Variants in GPC5 observed in about 807,000 individuals in gnomAD.
GPC5 encodes the protein glypican 5, also known as glypican-5.
Under a neutral mutation model 53.9 loss-of-function variants are expected in GPC5, and 47 were observed. The observed-to-expected ratio is 0.87, with a 90% CI of 0.69 to 1.11. GPC5 has a LOEUF of 1.11. GPC5 is among the 50% of genes most tolerant of loss of function. The probability of loss-of-function intolerance (pLI) is 0.00; values close to 1 mark genes in which losing one functional copy is unlikely to be tolerated. For missense variants in GPC5, 748 were observed against 713.1 expected, an observed-to-expected ratio of 1.05 and a Z score of -0.56; for synonymous variants, 286 against 263.3, an observed-to-expected ratio of 1.09 and a Z score of -0.84.
intron 7 of GPC5, among the ~76,000 whole-genome samples, chr13:92,243,126 T>A (rs2042625808): frequency 6.6e-6 from 1 of 152,210 alleles, no homozygotes; most frequent in African/African-American, 2.4e-5. Context: ...AGCCTGTATT[T>A]GTTTGAGACT....
rs181616323 is a variant in GPC5, at chr13:91,423,409, A to G, written c.163+24200A>G. On this transcript the variant is annotated intron_variant, in intron 1 of 7. Coordinates refer to ENST00000377067, the MANE Select transcript of GPC5 (RefSeq NM_004466.6). Reference sequence around the variant, plus strand: ...TATAGTCTAAGGAAAATAGGTTATTAAATGGCCAAAAGCCAGGTTGATATT... The same window carrying G: ...TATAGTCTAAGGAAAATAGGTTATTGAATGGCCAAAAGCCAGGTTGATATT... 7.2e-5 allele frequency among the ~76,000 whole-genome samples: 11 copies of G among 152,354 alleles called. No homozygotes were observed. The East Asian group carries it at 2.1e-3, about 29-fold the overall frequency.
chr13:92,742,467 G>C (rs1412732246), intron 7 of GPC5, among the ~76,000 whole-genome samples: 2 of 151,216 alleles, frequency 1.3e-5, no homozygotes, highest in Non-Finnish European at 2.9e-5. Context: ...GTTCTTTGTA[G>C]ATTCTGGATA....
chr13:92,350,329 G>A (rs368716369), intron 7 of GPC5, among the ~76,000 whole-genome samples: 113 of 152,246 alleles, frequency 7.4e-4, no homozygotes, highest in African/African-American at 2.5e-3. Flanking sequence ...GGAACAAGAT[G>A]AGGATGTCCA....
chr13:92,452,139 T>C (rs946444327), intron 7 of GPC5, among the ~76,000 whole-genome samples: 2 of 152,286 alleles, frequency 1.3e-5, no homozygotes, highest in Admixed American at 1.3e-4. Flanking sequence ...ACTATAGGAC[T>C]TTATTTTTAA....
chr13:91,766,140 A>G (rs1471699822), intron 5 of GPC5, among the ~76,000 whole-genome samples: 1 of 152,254 alleles, frequency 6.6e-6, no homozygotes, highest in East Asian at 1.9e-4. Flanking sequence ...GAAGAGAAGA[A>G]CACAGAACAA....
chr13:92,121,274 G>T (rs2041646805), intron 6 of GPC5, among the ~76,000 whole-genome samples: 1 of 152,144 alleles, frequency 6.6e-6, no homozygotes, highest in Non-Finnish European at 1.5e-5. Flanking sequence ...ACAGGGTGGG[G>T]AGTCACATTT....
chr13:92,214,457 C>T (rs181543968), intron 7 of GPC5, among the ~76,000 whole-genome samples: 1 of 152,280 alleles, frequency 6.6e-6, no homozygotes, highest in Non-Finnish European at 1.5e-5. Context: ...GCCTCTAAAA[C>T]TCTCCTTGAT....
In GPC5 at chr13:92,144,869, C is replaced by T; in HGVS notation, c.1441C>T (p.Leu481Phe). 1 of 1,611,724 alleles carries T rather than the reference C, an allele frequency of 6.2e-7. No individual in the cohort carries two copies. Among genetic ancestry groups the T allele is most frequent in the Non-Finnish European group, 8.5e-7 (1 of 1,178,970 alleles). Residue 481 changes from leucine (L) to phenylalanine (F), a missense_variant, in exon 7 of 8, where the codon CTT (leucine) becomes TTT (phenylalanine). Transcript: ENST00000377067. ...ATCACCCAAACCTGACAAGTGGGAA[C>T]TTCTTCAGCTGGGCAGTGGTGGAGG... is the stretch of plus-strand genomic sequence containing the variant. Reference protein sequence around the residue: ...GRSPKPDKWELLQLGSGGGMV... With the variant: ...GRSPKPDKWEFLQLGSGGGMV...
At chr13:92,231,922 C>T (rs1361085171) in intron 7 of GPC5, among the ~76,000 whole-genome samples, 2 of 152,084 alleles carry the variant, frequency 1.3e-5, no homozygotes, top group African/African-American at 2.4e-5. Context: ...GCCGAGATCG[C>T]GCCACTGCAT....
chr13:91,944,722 T>G (rs72633741), intron 6 of GPC5, among the ~76,000 whole-genome samples: 3,678 of 152,300 alleles, frequency 0.024, 111 homozygotes, highest in African/African-American at 0.072. Flanking sequence ...CCAAACTAGG[T>G]TGACTGAACT....
rs140886289 is a variant in GPC5, at chr13:92,708,253, A to C, written c.1562-158029A>C. Among the ~76,000 whole-genome samples, 7 of 152,268 alleles carry C rather than the reference A, an allele frequency of 4.6e-5. No homozygotes were observed. In the East Asian group the frequency reaches 1.4e-3, roughly 29 times the overall value. Reference sequence around the variant, plus strand: ...GCAATCCATAGCTTTTTCCAAGTCAATAGAAATTTTCCCATGATACTTGGA... The same window carrying C: ...GCAATCCATAGCTTTTTCCAAGTCACTAGAAATTTTCCCATGATACTTGGA... On this transcript the variant is annotated intron_variant, in intron 7 of 7. Transcript: ENST00000377067.
chr13:91,866,788 T>A (rs1271882721), intron 5 of GPC5, among the ~76,000 whole-genome samples: 1 of 152,244 alleles, frequency 6.6e-6, no homozygotes, highest in Non-Finnish European at 1.5e-5. Flanking sequence ...TTCACCCACT[T>A]ATTGCGGTTG....
At chr13:92,392,605 A>G (rs1023991683) in intron 7 of GPC5, among the ~76,000 whole-genome samples, 37 of 152,218 alleles carry the variant, frequency 2.4e-4, no homozygotes, top group African/African-American at 8.4e-4. Flanking sequence ...CTATGAACAG[A>G]GTAAACAGAC....
chr13:92,226,979 AC>A (rs1353410919), intron 7 of GPC5, among the ~76,000 whole-genome samples: 6 of 152,278 alleles, frequency 3.9e-5, no homozygotes, highest in African/African-American at 1.2e-4. Flanking sequence ...GGGGCCAGTT[AC>A]CTTGGAAACC....
intron 7 of GPC5, among the ~76,000 whole-genome samples, chr13:92,797,086 A>G (rs1039411987): frequency 2.0e-5 from 3 of 151,910 alleles, no homozygotes; most frequent in Non-Finnish European, 4.4e-5. Flanking sequence ...CTCTCACTGA[A>G]GCACTTTGAG....
At chr13:92,428,253 T>C (rs1876926098) in intron 7 of GPC5, among the ~76,000 whole-genome samples, 1 of 152,144 alleles carries the variant, frequency 6.6e-6, no homozygotes, top group Admixed American at 6.6e-5. Context: ...TTGGATGATA[T>C]CCTGGTTGAG....
intron 3 of GPC5, among the ~76,000 whole-genome samples, chr13:91,698,212 A>G (rs1460971621): frequency 3.9e-5 from 6 of 152,162 alleles, no homozygotes; most frequent in Admixed American, 3.9e-4. Context: ...ATTTTTTCTT[A>G]CAGATAAGTT....
chr13:91,803,415 C>A (rs1278203836), intron 5 of GPC5, among the ~76,000 whole-genome samples: 1 of 151,972 alleles, frequency 6.6e-6, no homozygotes, highest in East Asian at 1.9e-4. Context: ...GTGAAATTTT[C>A]CATTTGATTT....
chr13:92,520,967 G>T (rs1420359095), intron 7 of GPC5, among the ~76,000 whole-genome samples: 1 of 152,142 alleles, frequency 6.6e-6, no homozygotes, highest in Non-Finnish European at 1.5e-5. Context: ...AAAATCACAA[G>T]CATTCTTATA....
Sources: allele counts gnomAD v4.1 joint callset (sites outside exome capture counted in the v4.1 genomes callset), GRCh38; gene constraint gnomAD v4.1.1; transcripts MANE v1.5; gene names NCBI Gene and HGNC (gene_info 2026-07-23, HGNC 2026-07-21).